MID2: variants seen among roughly 807,000 people sequenced by gnomAD.
MID2 encodes probable E3 ubiquitin-protein ligase MID2.
MID2 carries 13 observed loss-of-function variants against 46.1 expected under a neutral mutation model. The observed-to-expected ratio is 0.28, with a 90% CI of 0.18 to 0.45. The LOEUF (loss-of-function observed/expected upper bound fraction) is 0.45, where lower values mean the gene tolerates loss of function less well. MID2 is among the 20% of genes least tolerant of loss of function. MID2 has a pLI of 1.00. For missense variants in MID2, 431 were observed against 575.4 expected (o/e 0.75, Z 2.57); for synonymous variants, 199 against 212.3 (o/e 0.94, Z 0.55).
chrX:107,846,071 G>A (rs138954278), intron 2 of MID2, among the ~76,000 whole-genome samples: 2 of 111,227 alleles, frequency 1.8e-5, no homozygotes, highest in East Asian at 2.8e-4. Flanking sequence ...ATGTGAGAGT[G>A]TGTAAATCTT....
chrX:107,868,312 C>T (rs1486957715), intron 3 of MID2, among the ~76,000 whole-genome samples: 1 of 111,373 alleles, frequency 9.0e-6, no homozygotes, highest in Non-Finnish European at 1.9e-5. Context: ...AAATTTGTCT[C>T]ATGGAAGCTG....
At chrX:107,861,884 G>A (rs1030488021) in intron 3 of MID2, among the ~76,000 whole-genome samples, 2 of 111,705 alleles carry the variant, frequency 1.8e-5, no homozygotes, top group Non-Finnish European at 3.8e-5. Context: ...TGTAGCCTTA[G>A]TTTCTACAAC....
At chrX:107,847,677 C>G (rs1332441285) in intron 2 of MID2, among the ~76,000 whole-genome samples, 3 of 111,551 alleles carry the variant, frequency 2.7e-5, no homozygotes, top group African/African-American at 9.8e-5. Flanking sequence ...ATCATTCATT[C>G]ATCAAACATT....
intron 1 of MID2, among the ~76,000 whole-genome samples, chrX:107,827,765 CCT>C (rs1217413869): frequency 1.1e-4 from 11 of 103,735 alleles, no homozygotes; most frequent in African/African-American, 3.9e-4. Context: ...CTCACATCCC[CCT>C]GTCTGTCTCC....
intron 1 of MID2, among the ~76,000 whole-genome samples, chrX:107,836,288 C>G (rs993130863): frequency 9.0e-6 from 1 of 110,636 alleles, no homozygotes; most frequent in East Asian, 2.8e-4. Context: ...CGGAGCCTCG[C>G]TCTGTTGCCA....
chrX:107,879,419 C>T (rs1932273769), intron 3 of MID2, among the ~76,000 whole-genome samples: 1 of 112,191 alleles, frequency 8.9e-6, no homozygotes, highest in Admixed American at 9.4e-5. Flanking sequence ...AGACTCCTCT[C>T]CAAAGCAATG....
At chrX:107,845,525 A>ACACACACTCT (rs1276957001) in intron 2 of MID2, among the ~76,000 whole-genome samples, 3 of 72,946 alleles carry the variant, frequency 4.1e-5, no homozygotes, top group African/African-American at 2.3e-4. Flanking sequence ...ACACACACAC[A>ACACACACTCT]CTCTCTCTCT....
chrX:107,865,256 C>A (rs976963912), intron 3 of MID2, among the ~76,000 whole-genome samples: 1 of 111,993 alleles, frequency 8.9e-6, no homozygotes, highest in Non-Finnish European at 1.9e-5. Context: ...AACCAGAAAA[C>A]CAGTATTATG....
At chrX:107,868,761 G>C (rs965643042) in intron 3 of MID2, among the ~76,000 whole-genome samples, 4 of 110,749 alleles carry the variant, frequency 3.6e-5, no homozygotes, top group Non-Finnish European at 7.6e-5. Flanking sequence ...GCTGTTAAGA[G>C]AAACACAGAA....
At chrX:107,851,795 G>C (rs2147832645) in intron 2 of MID2, among the ~76,000 whole-genome samples, 1 of 110,808 alleles carries the variant, frequency 9.0e-6, no homozygotes, top group African/African-American at 3.3e-5. Context: ...TCTACCCTCT[G>C]TTCTAGCCAA....
chrX:107,840,554 C>A, intron 1 of MID2, 116 bp from the exon 2 acceptor site: 2 of 586,910 alleles, frequency 3.4e-6, no homozygotes, highest in South Asian at 3.0e-5. Flanking sequence ...TTTTCTATTG[C>A]TTAAGCATCT....
At chrX:107,827,380 C>T (rs1930979639) in intron 1 of MID2, among the ~76,000 whole-genome samples, 1 of 111,113 alleles carries the variant, frequency 9.0e-6, no homozygotes, top group South Asian at 3.9e-4. Flanking sequence ...TCCCCATCAA[C>T]GTGTGCACTC....
At chrX:107,863,133 C>T (rs1302556594) in intron 3 of MID2, among the ~76,000 whole-genome samples, 2 of 111,774 alleles carry the variant, frequency 1.8e-5, no homozygotes, top group Non-Finnish European at 1.9e-5. Context: ...AAAGAAAGTG[C>T]TTTATAATTT....
intron 3 of MID2, among the ~76,000 whole-genome samples, chrX:107,886,782 A>T (rs1226842853): frequency 9.0e-6 from 1 of 111,306 alleles, no homozygotes; most frequent in Non-Finnish European, 1.9e-5. Context: ...ATTTGTTTGT[A>T]TCCTCTTTTA....
chrX:107,835,197 T>C (rs1931176807), intron 1 of MID2, among the ~76,000 whole-genome samples: 1 of 112,515 alleles, frequency 8.9e-6, no homozygotes, highest in Non-Finnish European at 1.9e-5. Context: ...TGTTGAAGTA[T>C]GTATCAGAAC....
rs753163322 is a variant in MID2 at position 107,916,118 on chromosome X, A to T, written c.1190A>T (p.Asp397Val). ...GAAAAGAAACTGCTAGAGGGGTTAG[A>T]TTATTTAACAGGTGTGAAAATACTG... ...SREKKLLEGL[D>V]YLTAPNPPSI... Residue 397 changes from aspartate to valine, a missense_variant, in exon 6 of 10, where the codon GAT (aspartate) becomes GTT (valine). Coordinates refer to ENST00000262843, the MANE Select transcript of MID2 (RefSeq NM_012216.4). 3.4e-6 allele frequency: 4 copies of T among 1,187,164 alleles called. No individual in the cohort carries two copies. In the South Asian group the frequency reaches 5.9e-5, roughly 17 times the overall value.
intron 1 of MID2, among the ~76,000 whole-genome samples, chrX:107,828,877 A>T (rs1245487532): frequency 2.7e-5 from 3 of 112,044 alleles, no homozygotes; most frequent in East Asian, 5.6e-4. Context: ...AACCCTCAGC[A>T]TTATACTTTT....
chrX:107,908,844 A>G (rs1028087284), intron 5 of MID2, among the ~76,000 whole-genome samples: 3 of 111,605 alleles, frequency 2.7e-5, no homozygotes, highest in Non-Finnish European at 3.8e-5. Flanking sequence ...CCTGGGCAAC[A>G]GGACAATGTC....
chrX:107,922,604 T>A (rs1213158107), intron 7 of MID2, among the ~76,000 whole-genome samples: 1 of 112,217 alleles, frequency 8.9e-6, no homozygotes, highest in Non-Finnish European at 1.9e-5. Context: ...ACCAACTTCA[T>A]GAATTTTTTA....
Sources: allele counts gnomAD v4.1 joint callset (sites outside exome capture counted in the v4.1 genomes callset), GRCh38; gene constraint gnomAD v4.1.1; transcripts MANE v1.5; gene names NCBI Gene and HGNC (gene_info 2026-07-23, HGNC 2026-07-21).